DPP6: variants seen among roughly 807,000 people sequenced by gnomAD.
DPP6 encodes the protein dipeptidyl peptidase like 6, also known as A-type potassium channel modulatory protein DPP6.
DPP6 carries 69 observed loss-of-function variants against 122.6 expected under a neutral mutation model. The observed-to-expected ratio is 0.56, with a 90% confidence interval of 0.46 to 0.69. The LOEUF is 0.69. Among genes scored for constraint, DPP6 ranks in the 30% least tolerant of loss-of-function variants. DPP6 has a pLI of 0.00. For synonymous variants in DPP6, 418 were observed against 433.1 expected, an observed-to-expected ratio of 0.97 and a Z score of 0.43; for missense variants, 928 against 1,116.9, an observed-to-expected ratio of 0.83 and a Z score of 2.41.
Position 154,219,125 on chromosome 7 carries a change from G to A in DPP6, c.243+166062G>A, listed in dbSNP as rs138292340. On this transcript the variant is annotated intron_variant, in intron 1 of 25. Coordinates refer to ENST00000377770, the MANE Select transcript of DPP6 (RefSeq NM_130797.4). Reference sequence around the variant, plus strand: ...AGTCACAAGACAGACTTGATGGTGGGGAGAAAAGGTCTGTATAAATTCTCA... The same window carrying A: ...AGTCACAAGACAGACTTGATGGTGGAGAGAAAAGGTCTGTATAAATTCTCA... 2.7e-3 allele frequency among the ~76,000 whole-genome samples: 418 copies of A among 152,212 alleles called. 1 individual carries two copies. Among genetic ancestry groups the A allele is most frequent in the African/African-American group, 9.7e-3 (404 of 41,508 alleles).
At chr7:154,870,998 C>A (rs1804337599) in intron 18 of DPP6, among the ~76,000 whole-genome samples, 1 of 151,612 alleles carries the variant, frequency 6.6e-6, no homozygotes. Context: ...TGTGTGTTAT[C>A]CCAGCCCAAT....
At chr7:154,347,078 T>C (rs1810463829) in intron 1 of DPP6, among the ~76,000 whole-genome samples, 1 of 152,194 alleles carries the variant, frequency 6.6e-6, no homozygotes, top group South Asian at 2.1e-4. Context: ...ATTAGCCCTG[T>C]AATGTTATTC....
At chr7:154,634,152 C>G (rs1835578081) in intron 5 of DPP6, among the ~76,000 whole-genome samples, 1 of 90,836 alleles carries the variant, frequency 1.1e-5, no homozygotes, top group Non-Finnish European at 2.0e-5. Context: ...CTAATGCTAT[C>G]CCTCCCCCCT....
At chr7:153,812,755 C>G in the DPP6 span, among the ~76,000 whole-genome samples, 1 of 152,258 alleles carries the variant, frequency 6.6e-6, no homozygotes, top group South Asian at 2.1e-4. Context: ...AGTAGCCTCA[C>G]AGAGAAATAA....
At chr7:154,145,632 G>C (rs1485992959) in intron 1 of DPP6, among the ~76,000 whole-genome samples, 1 of 132,788 alleles carries the variant, frequency 7.5e-6, no homozygotes, top group Non-Finnish European at 1.6e-5. Context: ...GCCAGCTACG[G>C]AGGTGGAGTA....
intron 1 of DPP6, among the ~76,000 whole-genome samples, chr7:153,917,974 A>G (rs1305198125): frequency 6.6e-6 from 1 of 152,212 alleles, no homozygotes; most frequent in East Asian, 1.9e-4. Context: ...TTACTTGATT[A>G]TTTAGGATGT....
rs138555589 is a variant in DPP6 at position 154,091,968 on chromosome 7, C to A, written c.243+38905C>A. 8.2e-3 allele frequency among the ~76,000 whole-genome samples: 1,243 copies of A among 152,086 alleles called. 16 individuals carry two copies. Among genetic ancestry groups the A allele is most frequent in the African/African-American group, 0.028 (1,151 of 41,462 alleles). ...TGATTGGGATGATGGGCTGGCTGAC[C>A]CTTGGTGGTTCTCAACAATTTCCAG... is the stretch of plus-strand genomic sequence containing the variant. On this transcript the variant is annotated intron_variant, in intron 1 of 25. Transcript: ENST00000377770.
intron 1 of DPP6, among the ~76,000 whole-genome samples, chr7:154,188,194 G>C (rs549968837): frequency 4.7e-4 from 72 of 152,264 alleles, no homozygotes; most frequent in Non-Finnish European, 9.9e-4. Flanking sequence ...GCTAGAGACT[G>C]TGAGTGTACT....
At chr7:154,345,867 C>G (rs1190432869) in intron 1 of DPP6, among the ~76,000 whole-genome samples, 1 of 152,228 alleles carries the variant, frequency 6.6e-6, no homozygotes, top group Non-Finnish European at 1.5e-5. Context: ...CCAGAGCAAG[C>G]CCTGCTGCTC....
intron 4 of DPP6, among the ~76,000 whole-genome samples, chr7:154,550,101 A>AAAAGTTTATCCC (rs1829519579): frequency 6.6e-6 from 1 of 152,234 alleles, no homozygotes; most frequent in Admixed American, 6.5e-5. Context: ...AATTATTTAT[A>AAAAGTTTATCCC]AAAGTTTATC....
At chr7:154,204,170 G>T (rs1029060054) in intron 1 of DPP6, among the ~76,000 whole-genome samples, 1 of 152,202 alleles carries the variant, frequency 6.6e-6, no homozygotes, top group African/African-American at 2.4e-5. Flanking sequence ...CACATGATCA[G>T]TGTCAGGCAC....
chr7:154,044,719 A>G (rs1163826587), intron 1 of DPP6, among the ~76,000 whole-genome samples: 2 of 152,230 alleles, frequency 1.3e-5, no homozygotes, highest in African/African-American at 4.8e-5. Flanking sequence ...ACCCTTTAAC[A>G]TGCTTGAAAG....
intron 1 of DPP6, among the ~76,000 whole-genome samples, chr7:154,301,217 G>A (rs2150980053): frequency 6.6e-6 from 1 of 152,272 alleles, no homozygotes; most frequent in East Asian, 1.9e-4. Flanking sequence ...AGGTAGCTTG[G>A]CCATTGTTAT....
intron 1 of DPP6, among the ~76,000 whole-genome samples, chr7:154,180,888 T>G (rs1798050468): frequency 6.6e-6 from 1 of 152,320 alleles, no homozygotes; most frequent in South Asian, 2.1e-4. Flanking sequence ...GTTCACATTA[T>G]TTTTATCAGC....
chr7:154,063,440 G>C lies in DPP6; in HGVS notation c.243+10377G>C, dbSNP rs772023862. On this transcript the variant is annotated intron_variant, in intron 1 of 25. Transcript: ENST00000377770. ...CTGGCTGTTGGTACCCCCATCGCAAGGGGGGGAGGCACCTCCCGCGAGGCA... is the reference window on the plus strand; with the variant it reads ...CTGGCTGTTGGTACCCCCATCGCAACGGGGGGAGGCACCTCCCGCGAGGCA... Among the ~76,000 whole-genome samples, 16 of 88,838 alleles carry C rather than the reference G, an allele frequency of 1.8e-4. 3 individuals carry two copies. The highest frequency in any genetic ancestry group is 3.9e-4 in the Non-Finnish European group (16 of 41,104). 58.3% of individuals were successfully genotyped at this position (88,838 alleles called of 152,430 possible).
intron 1 of DPP6, among the ~76,000 whole-genome samples, chr7:154,277,188 A>G (rs977525634): frequency 2.0e-5 from 3 of 152,186 alleles, no homozygotes; most frequent in African/African-American, 7.2e-5. Flanking sequence ...CATGACTGCA[A>G]AAGACCTGGA....
the DPP6 span, among the ~76,000 whole-genome samples, chr7:153,797,907 T>C: frequency 4.6e-5 from 7 of 152,066 alleles, no homozygotes; most frequent in Non-Finnish European, 8.8e-5. Context: ...GGTGGCGAGA[T>C]CTTGGCTCAC....
intron 6 of DPP6, among the ~76,000 whole-genome samples, chr7:154,664,011 T>C (rs1268434042): frequency 3.0e-5 from 3 of 101,654 alleles, no homozygotes; most frequent in Admixed American, 1.2e-4. Context: ...GTATTGGCCA[T>C]AGTGTTCATA....
At chr7:153,985,807 T>C (rs1796815549) in intron 1 of DPP6, among the ~76,000 whole-genome samples, 2 of 152,206 alleles carry the variant, frequency 1.3e-5, no homozygotes, top group African/African-American at 4.8e-5. Context: ...AAATGAACTT[T>C]GTGTATCTCT....
Sources: gnomAD v4.1 joint callset for allele counts (sites outside exome capture counted in the v4.1 genomes callset) on GRCh38, gnomAD v4.1.1 for gene constraint, MANE v1.5 for transcripts, NCBI Gene and HGNC (gene_info 2026-07-23, HGNC 2026-07-21) for gene names.